The following DCT variants were observed in gnomAD, a reference collection of about 807,000 sequenced individuals.
DCT encodes the protein L-dopachrome tautomerase.
A neutral mutation model predicts 53.0 loss-of-function variants in DCT; 47 were observed. That is an observed-to-expected ratio of 0.89 (90% CI 0.70 to 1.13). The LOEUF (loss-of-function observed/expected upper bound fraction) is 1.13. DCT is among the 50% of genes most tolerant of loss of function. The pLI is 0.00. For synonymous variants in DCT, 244 were observed against 237.0 expected (o/e 1.03, Z -0.27); for missense variants, 669 against 637.4 (o/e 1.05, Z -0.53).
intron 5 of DCT, among the ~76,000 whole-genome samples, chr13:94,460,453 A>G (rs1210306316): frequency 6.6e-6 from 1 of 152,166 alleles, no homozygotes; most frequent in African/African-American, 2.4e-5. Flanking sequence ...TCTTTTGTGT[A>G]CTGTATGACA....
chr13:94,441,134 A>G (rs527808114), intron 7 of DCT, among the ~76,000 whole-genome samples: 2 of 152,254 alleles, frequency 1.3e-5, no homozygotes, highest in South Asian at 4.1e-4. Flanking sequence ...TTTTTCTGCA[A>G]TCCCATGGGA....
intron 6 of DCT, 34 bp downstream of exon 6, chr13:94,460,057 A>G (rs772373837): frequency 1.4e-5 from 22 of 1,604,496 alleles, no homozygotes; most frequent in Non-Finnish European, 1.8e-5. Flanking sequence ...TATTATCTAG[A>G]AAATTTTCAT....
intron 1 of DCT, among the ~76,000 whole-genome samples, chr13:94,470,235 C>T (rs1417814057): frequency 1.3e-5 from 2 of 152,184 alleles, no homozygotes; most frequent in Non-Finnish European, 2.9e-5. Flanking sequence ...ACAAAATCAA[C>T]GGAAGCTGTC....
the DCT span, among the ~76,000 whole-genome samples, chr13:94,536,780 T>C: frequency 6.6e-6 from 1 of 152,058 alleles, no homozygotes; most frequent in Admixed American, 6.5e-5. Context: ...CCTTCTCTAT[T>C]AAAAATACAA....
the DCT span, among the ~76,000 whole-genome samples, chr13:94,517,814 G>A: frequency 2.2e-4 from 34 of 152,086 alleles, no homozygotes; most frequent in Non-Finnish European, 3.5e-4. Context: ...AGCAAAATAC[G>A]TTGACTAATT....
intron 6 of DCT, among the ~76,000 whole-genome samples, chr13:94,459,035 C>A (rs937082187): frequency 2.0e-5 from 3 of 149,914 alleles, no homozygotes; most frequent in African/African-American, 7.4e-5. Context: ...TGCTACCATG[C>A]CCAGCTAATT....
intron 4 of DCT, among the ~76,000 whole-genome samples, chr13:94,462,525 C>T (rs1209520266): frequency 6.6e-6 from 1 of 150,464 alleles, no homozygotes; most frequent in Non-Finnish European, 1.5e-5. Context: ...TCCCCCAAAA[C>T]AAAAAATGAT....
At chr13:94,543,920 G>A in the DCT span, among the ~76,000 whole-genome samples, 1 of 151,784 alleles carries the variant, frequency 6.6e-6, no homozygotes, top group Non-Finnish European at 1.5e-5. Flanking sequence ...CTGTGATCTT[G>A]GCTACTCAGG....
chr13:94,440,873 G>A (rs1356308798), intron 7 of DCT, among the ~76,000 whole-genome samples: 2 of 151,744 alleles, frequency 1.3e-5, no homozygotes, highest in Non-Finnish European at 2.9e-5. Flanking sequence ...TAGAGACAGG[G>A]TTTCGCCATG....
intron 6 of DCT, among the ~76,000 whole-genome samples, chr13:94,459,834 T>G (rs1035949978): frequency 6.6e-6 from 1 of 152,202 alleles, no homozygotes; most frequent in Non-Finnish European, 1.5e-5. Context: ...TTATGCTAAT[T>G]TATGAATTCA....
the DCT span, among the ~76,000 whole-genome samples, chr13:94,543,815 G>A: frequency 5.5e-4 from 84 of 151,994 alleles, 1 homozygote; most frequent in Non-Finnish European, 1.0e-3. Flanking sequence ...CAGGTGGATC[G>A]CCTGAGGTCA....
rs943729069 is a variant in DCT, at chr13:94,460,094, A to G, written c.1176T>C (p.Phe392=). The change falls in exon 6 of 8, where the codon TTT becomes TTC. Residue 392 remains phenylalanine (F), a synonymous_variant. Coordinates refer to ENST00000377028, the MANE Select transcript of DCT (RefSeq NM_001922.5). ...CATTCTGAATCTTTGAACATACCAC[A>G]AAAATGGGATCATTGGCGGCTGAAT... is the stretch of plus-strand genomic sequence containing the variant. The part of the protein sequence containing the change: ...LPHSAANDPI[F]VVLHSFTDAI... The G allele has an allele frequency of 4.3e-6, 7 of 1,613,814 alleles. No homozygotes were observed. The highest frequency in any genetic ancestry group is 5.9e-6 in the Non-Finnish European group (7 of 1,179,926).
the DCT span, among the ~76,000 whole-genome samples, chr13:94,509,034 G>A: frequency 6.6e-6 from 1 of 152,144 alleles, no homozygotes; most frequent in Non-Finnish European, 1.5e-5. Context: ...AGACCCTACT[G>A]AGAGAGGTCA....
the DCT span, among the ~76,000 whole-genome samples, chr13:94,536,334 A>T: frequency 1.3e-5 from 2 of 152,176 alleles, no homozygotes; most frequent in Non-Finnish European, 2.9e-5. Flanking sequence ...TGCTCTTCAA[A>T]GGGGACCTCC....
the DCT span, among the ~76,000 whole-genome samples, chr13:94,498,650 C>T: frequency 6.6e-6 from 1 of 152,230 alleles, no homozygotes; most frequent in Admixed American, 6.5e-5. Context: ...TAATTTGTTA[C>T]AGCAGCCTGA....
intron 5 of DCT, among the ~76,000 whole-genome samples, chr13:94,461,551 A>G (rs560279529): frequency 6.6e-6 from 1 of 152,274 alleles, no homozygotes; most frequent in Non-Finnish European, 1.5e-5. Flanking sequence ...TAAGTATTGT[A>G]ATGTCATTGC....
At chr13:94,480,597 CT>C (rs1197095752), upstream of DCT, among the ~76,000 whole-genome samples, 2 of 152,232 alleles carry the variant, frequency 1.3e-5, no homozygotes, top group Non-Finnish European at 2.9e-5. Flanking sequence ...TTCCCACCCC[CT>C]GTACCTCTGT....
the DCT span, among the ~76,000 whole-genome samples, chr13:94,542,632 T>C: frequency 6.6e-5 from 10 of 152,218 alleles, no homozygotes; most frequent in Non-Finnish European, 1.5e-5. Context: ...TCCATTTGCC[T>C]GGGGCTCAAT....
At chr13:94,512,780 T>TA in the DCT span, among the ~76,000 whole-genome samples, 88 of 151,936 alleles carry the variant, frequency 5.8e-4, no homozygotes, top group East Asian at 0.015. Context: ...TATGTGAAAA[T>TA]ACACAGGAGC....
Sources: allele counts gnomAD v4.1 joint callset (sites outside exome capture counted in the v4.1 genomes callset), GRCh38; gene constraint gnomAD v4.1.1; transcripts MANE v1.5; gene names NCBI Gene and HGNC (gene_info 2026-07-23, HGNC 2026-07-21).